Variants in MYO5C observed in about 807,000 individuals in gnomAD.
The protein encoded by MYO5C is myosin VC.
MYO5C carries 194 observed loss-of-function variants against 235.7 expected under a neutral mutation model. That is an observed-to-expected ratio of 0.82 (90% confidence interval 0.73 to 0.93). MYO5C has a LOEUF of 0.93. Among genes scored for constraint, MYO5C ranks in the 40% least tolerant of loss-of-function variants. The probability of loss-of-function intolerance (pLI) is 0.00; values close to 1 mark genes in which losing one functional copy is unlikely to be tolerated. For missense variants in MYO5C, 2,038 were observed against 2,127.2 expected (o/e 0.96, Z 0.82); for synonymous variants, 707 against 754.8 (o/e 0.94, Z 1.04).
chr15:52,194,854 C>T (rs1309386331), intron 40 of MYO5C, among the ~76,000 whole-genome samples: 8 of 151,912 alleles, frequency 5.3e-5, no homozygotes, highest in Admixed American at 5.3e-4. Flanking sequence ...CCACAGATAA[C>T]TATTGAGAAA....
At chr15:52,253,887 C>T (rs2036526440) in intron 11 of MYO5C, among the ~76,000 whole-genome samples, 1 of 151,882 alleles carries the variant, frequency 6.6e-6, no homozygotes, top group South Asian at 2.1e-4. Context: ...GATCTTCGTG[C>T]ACTACTCACT....
At chr15:52,207,710 A>G (rs1263233381) in intron 36 of MYO5C, among the ~76,000 whole-genome samples, 1 of 152,214 alleles carries the variant, frequency 6.6e-6, no homozygotes, top group African/African-American at 2.4e-5. Flanking sequence ...ACTGTGTGAC[A>G]AGGGACTTCA....
At chr15:52,228,456 TA>T (rs1480376657) in intron 25 of MYO5C, among the ~76,000 whole-genome samples, 1 of 152,326 alleles carries the variant, frequency 6.6e-6, no homozygotes, top group East Asian at 1.9e-4. Context: ...ACAATATTTT[TA>T]TATATCATTA....
chr15:52,263,492 C>T (rs2036736264), intron 9 of MYO5C, among the ~76,000 whole-genome samples: 1 of 152,150 alleles, frequency 6.6e-6, no homozygotes, highest in Non-Finnish European at 1.5e-5. Flanking sequence ...TGTCCTTCTG[C>T]TGAAAACTAC....
intron 20 of MYO5C, among the ~76,000 whole-genome samples, chr15:52,241,749 T>TAA (rs1555415705): frequency 2.0e-5 from 3 of 150,062 alleles, no homozygotes; most frequent in African/African-American, 4.9e-5. Context: ...TGTGTGTGTG[T>TAA]GTGAGAGAGA....
In MYO5C at chr15:52,237,639, T is replaced by C. The variant is rs1309531821; in HGVS notation, c.2711A>G (p.Glu904Gly). ...CAGCTTCTCCACCAGCCCATGGTTT[T>C]CTTTGTTCTAGAGAAAAGAAAATTC... ...LQKKLEDQNK[E>G]NHGLVEKLTS... The change falls in exon 22 of 41, where the codon GAA (glutamate) becomes GGA (glycine). Residue 904 changes from glutamate to glycine, a missense_variant. Transcript: ENST00000261839. 8.1e-6 allele frequency: 13 copies of C among 1,611,524 alleles called. No individual in the cohort carries two copies. The highest frequency in any genetic ancestry group is 1.0e-5 in the Non-Finnish European group (12 of 1,179,652).
At chr15:52,274,487 C>T (rs941540789) in intron 5 of MYO5C, among the ~76,000 whole-genome samples, 1 of 152,090 alleles carries the variant, frequency 6.6e-6, no homozygotes, top group African/African-American at 2.4e-5. Flanking sequence ...TCATGTTGCC[C>T]AGGCTGGTCT....
rs2035483614 is a variant in MYO5C at position 52,213,132 on chromosome 15, C to T, written c.4141+56G>A. On this transcript the variant is annotated intron_variant, in intron 34 of 40. Transcript: ENST00000261839. The stretch of plus-strand genomic sequence containing the variant: ...CCCCTGCCCAGGACTTTGGCACTGA[C>T]TGATATGCAAGTTCTCAAAGAGAAA... 7.4e-6 allele frequency: 10 copies of T among 1,348,816 alleles called. No individual in the cohort carries two copies. In the South Asian group the frequency reaches 1.2e-4, roughly 16 times the overall value. The allele number at this position is 1,348,816 out of a possible 1,614,324, so 83.6% of individuals were successfully genotyped here.
rs1235904500 is a variant in MYO5C, at chr15:52,279,519, G to A, written c.294C>T (p.Tyr98=). The A allele has an allele frequency of 2.5e-6, 4 of 1,613,082 alleles. No individual in the cohort carries two copies. The highest frequency in any genetic ancestry group is 3.4e-6 in the Non-Finnish European group (4 of 1,179,174). The change falls in exon 3 of 41, where the codon TAC becomes TAT. Residue 98 remains tyrosine, a synonymous_variant. Coordinates refer to ENST00000261839, the MANE Select transcript of MYO5C (RefSeq NM_018728.4). ...AATTGCTCTCCTTACCACTGTAGGTGTAAATGAGTTTGGATTCTGCAAAGC... is the reference window on the plus strand; with the variant it reads ...AATTGCTCTCCTTACCACTGTAGGTATAAATGAGTTTGGATTCTGCAAAGC... ...RIRFAESKLI[Y]TYSGIILVAM...
chr15:52,289,737 G>A lies in MYO5C; in HGVS notation c.27+5873C>T, dbSNP rs558730052. On this transcript the variant is annotated intron_variant, in intron 1 of 40. Coordinates refer to ENST00000261839, the MANE Select transcript of MYO5C (RefSeq NM_018728.4). ...GTACTTGATTGGAATTCCTGTGGGT[G>A]GGGCCCGGCAAGAGAAAAGCTTTGA... Among the ~76,000 whole-genome samples, 21 of 152,290 alleles carry A rather than the reference G, an allele frequency of 1.4e-4. No homozygotes were observed. The South Asian group carries it at 1.5e-3, about 11-fold the overall frequency.
rs769832991 is a variant in MYO5C at position 52,245,435 on chromosome 15, G to A, written c.2097C>T (p.Tyr699=). 8.4e-5 allele frequency: 135 copies of A among 1,613,910 alleles called. No individual in the cohort carries two copies. The highest frequency in any genetic ancestry group is 2.9e-4 in the South Asian group (26 of 91,076). ...RWTYIEFYSR[Y]GILMTKQELS... The stretch of plus-strand genomic sequence containing the variant: ...GCTCTTGCTTGGTCATGAGAATGCC[G>A]TAGCGACTGTAGAACTCGATGTATG... Residue 699 remains tyrosine, a synonymous_variant, in exon 18 of 41, where the codon TAC becomes TAT. Coordinates refer to ENST00000261839, the MANE Select transcript of MYO5C (RefSeq NM_018728.4).
intron 35 of MYO5C, 139 bp downstream of exon 35, chr15:52,211,591 C>A (rs2035441971): frequency 6.5e-6 from 6 of 925,860 alleles, no homozygotes. Context: ...GTGTGGCTCC[C>A]TTCACTAGTT....
intron 10 of MYO5C, among the ~76,000 whole-genome samples, chr15:52,257,336 A>G (rs2036604579): frequency 6.6e-6 from 1 of 152,208 alleles, no homozygotes; most frequent in South Asian, 2.1e-4. Context: ...TCAGACTTTC[A>G]TCAGCTGCCT....
chr15:52,280,838 A>C (rs924557217), intron 2 of MYO5C, among the ~76,000 whole-genome samples: 2 of 152,204 alleles, frequency 1.3e-5, no homozygotes, highest in Admixed American at 1.3e-4. Context: ...AGTTAATCTG[A>C]GCCTCACTCT....
Position 52,272,686 on chromosome 15 carries a change from C to T in MYO5C, c.644G>A (p.Ser215Asn), listed in dbSNP as rs1396212291. 6.2e-7 allele frequency: 1 copy of T among 1,614,108 alleles called. No individual in the cohort carries two copies. Among genetic ancestry groups the T allele is most frequent in the African/African-American group, 1.3e-5 (1 of 75,040 alleles). Residue 215 changes from serine (S) to asparagine (N), a missense_variant, in exon 6 of 41, where the codon AGT (serine) becomes AAT (asparagine). Ser to Asn is a conservative substitution (Grantham distance 46, BLOSUM62 1). Transcript: ENST00000261839. ...GNAKTTRNDN[S>N]SRFGKYTEIS... ...TTCTGTGTATTTCCCAAACCGACTA[C>T]TATTGTCATTGCGGGTGGTCTTGGC...
chr15:52,211,506 G>A (rs80194104), intron 35 of MYO5C, among the ~76,000 whole-genome samples: 2,006 of 152,300 alleles, frequency 0.013, 39 homozygotes, highest in African/African-American at 0.046. Flanking sequence ...TGGGGCAGTG[G>A]CTACCAGGTT....
chr15:52,218,647 C>G lies in MYO5C; in HGVS notation c.3826G>C (p.Glu1276Gln). ...TCTTGAATCTTATCAATCAGCTTCT[C>G]CTTCTCTTTGGTATGTATTTCATTT... ...AQNEIHTKEK[E>Q]KLIDKIQEMQ... Residue 1276 changes from glutamate (E) to glutamine (Q), a missense_variant, in exon 32 of 41, where the codon GAG (glutamate) becomes CAG (glutamine). Glu to Gln is a conservative substitution (Grantham distance 29). Coordinates refer to ENST00000261839, the MANE Select transcript of MYO5C (RefSeq NM_018728.4). The G allele has an allele frequency of 1.2e-6, 2 of 1,614,192 alleles. No individual in the cohort carries two copies. The highest frequency in any genetic ancestry group is 1.7e-6 in the Non-Finnish European group (2 of 1,180,038).
At chr15:52,201,419 C>T (rs2035184544) in intron 38 of MYO5C, among the ~76,000 whole-genome samples, 1 of 152,146 alleles carries the variant, frequency 6.6e-6, no homozygotes, top group Admixed American at 6.5e-5. Context: ...CAGAATTCTA[C>T]ATCCTACAAA....
At chr15:52,273,486 C>T (rs1484926529) in intron 5 of MYO5C, among the ~76,000 whole-genome samples, 1 of 152,110 alleles carries the variant, frequency 6.6e-6, no homozygotes, top group Non-Finnish European at 1.5e-5. Flanking sequence ...ATAAGGTGGG[C>T]CTTTGGGAAG....
Sources: allele counts gnomAD v4.1 joint callset (sites outside exome capture counted in the v4.1 genomes callset), GRCh38; gene constraint gnomAD v4.1.1; transcripts MANE v1.5; gene names NCBI Gene and HGNC (gene_info 2026-07-23, HGNC 2026-07-21).